The following KRABD4 variants were observed in gnomAD, a reference collection of about 807,000 sequenced individuals.
KRABD4 encodes KRAB domain-containing protein 4.
the KRABD4 span, chrX:46,472,683 A>C: frequency 8.8e-7 from 1 of 1,136,782 alleles, no homozygotes; most frequent in Non-Finnish European, 1.2e-6. Context: ...TTTAGGGATT[A>C]ATGTTATTCC....
chrX:46,452,937 T>C, the KRABD4 span, among the ~76,000 whole-genome samples: 24 of 112,160 alleles, frequency 2.1e-4, no homozygotes, highest in Non-Finnish European at 4.1e-4. Flanking sequence ...GATTTGAGTG[T>C]CTTTTTTCAT....
At chrX:46,474,005 A>T in the KRABD4 span, 3 of 112,336 alleles carry the variant, frequency 2.7e-5, no homozygotes, top group African/African-American at 9.8e-5. Flanking sequence ...CTACCCGCCC[A>T]CTAGTCCCTT....
the KRABD4 span, chrX:46,455,698 A>T: frequency 2.6e-6 from 1 of 384,107 alleles, no homozygotes; most frequent in Admixed American, 3.4e-5. Context: ...TGCAAGTTGT[A>T]CACTGCTGTG....
At chrX:46,462,489 G>A in the KRABD4 span, 40 of 359,760 alleles carry the variant, frequency 1.1e-4, no homozygotes, top group African/African-American at 4.4e-4. Context: ...CAGCCTGGGC[G>A]ACAGAGCAAG....
At chrX:46,452,856 A>G in the KRABD4 span, among the ~76,000 whole-genome samples, 1 of 112,440 alleles carries the variant, frequency 8.9e-6, no homozygotes, top group Non-Finnish European at 1.9e-5. Flanking sequence ...GGGAAATCAC[A>G]GTGTATTATC....
At chrX:46,472,528 CTTGGCTG>C in the KRABD4 span, 1 of 368,228 alleles carries the variant, frequency 2.7e-6, no homozygotes, top group Non-Finnish European at 4.6e-6. Context: ...CTGGTTTGAG[CTTGGCTG>C]CATATTAAAT....
the KRABD4 span, among the ~76,000 whole-genome samples, chrX:46,451,930 A>C: frequency 8.9e-6 from 1 of 112,613 alleles, no homozygotes; most frequent in Admixed American, 9.4e-5. Flanking sequence ...AGCTTTGTTC[A>C]GCAAAAAAAA....
At chrX:46,453,377 C>T in the KRABD4 span, among the ~76,000 whole-genome samples, 1 of 111,711 alleles carries the variant, frequency 9.0e-6, no homozygotes, top group Non-Finnish European at 1.9e-5. Flanking sequence ...TGATCAAATA[C>T]CTAAATATAT....
the KRABD4 span, chrX:46,474,543 AC>A: frequency 8.9e-6 from 1 of 112,150 alleles, no homozygotes; most frequent in Non-Finnish European, 1.9e-5. Context: ...TAAGTCTAAC[AC>A]ACATTTAAAA....
At chrX:46,458,606 G>C in the KRABD4 span, among the ~76,000 whole-genome samples, 2 of 112,354 alleles carry the variant, frequency 1.8e-5, no homozygotes, top group Admixed American at 1.9e-4. Flanking sequence ...CTGTGGATGA[G>C]AGTACTGGCT....
At chrX:46,461,036 G>C in the KRABD4 span, among the ~76,000 whole-genome samples, 25 of 101,809 alleles carry the variant, frequency 2.5e-4, no homozygotes, top group African/African-American at 9.1e-4. Context: ...TATTCCAAGG[G>C]TTGCAGGAGC....
the KRABD4 span, chrX:46,472,961 A>G: frequency 8.3e-7 from 1 of 1,211,877 alleles, no homozygotes; most frequent in Non-Finnish European, 1.1e-6. Flanking sequence ...CATTCAAAAC[A>G]TCATTTAAAC....
chrX:46,471,329 T>G, the KRABD4 span: 1 of 685,448 alleles, frequency 1.5e-6, no homozygotes, highest in Non-Finnish European at 2.1e-6. Flanking sequence ...TTTCTTTTGG[T>G]TAGGTTTTCA....
the KRABD4 span, among the ~76,000 whole-genome samples, chrX:46,465,982 T>G: frequency 8.9e-6 from 1 of 111,816 alleles, no homozygotes; most frequent in African/African-American, 3.3e-5. Flanking sequence ...TATTTAAATC[T>G]ATTTCAGGAA....
chrX:46,455,581 G>T, the KRABD4 span: 1 of 424,959 alleles, frequency 2.4e-6, no homozygotes, highest in Non-Finnish European at 4.4e-6. Context: ...TTCTGTTCTA[G>T]GATTTGATAA....
the KRABD4 span, chrX:46,456,776 GAT>G: frequency 9.0e-6 from 3 of 332,495 alleles, no homozygotes; most frequent in Non-Finnish European, 1.6e-5. Flanking sequence ...CTGCTTACAG[GAT>G]ACTGGAATCA....
the KRABD4 span, chrX:46,472,853 C>T: frequency 2.8e-5 from 34 of 1,209,938 alleles, no homozygotes; most frequent in East Asian, 2.4e-4. Context: ...AGGATGAAAG[C>T]GGTCAAGAAT....
chrX:46,461,763 T>G, the KRABD4 span, among the ~76,000 whole-genome samples: 7 of 111,952 alleles, frequency 6.3e-5, no homozygotes, highest in East Asian at 8.4e-4. Context: ...TGTTCTTTGT[T>G]TCATGATTGA....
the KRABD4 span, among the ~76,000 whole-genome samples, chrX:46,461,601 G>A: frequency 1.2e-3 from 133 of 111,548 alleles, 1 homozygote; most frequent in African/African-American, 3.1e-3. Flanking sequence ...GTGACAGGAT[G>A]GGATCTGGAG....
Sources: allele counts gnomAD v4.1 joint callset (sites outside exome capture counted in the v4.1 genomes callset), GRCh38; gene constraint gnomAD v4.1.1; transcripts MANE v1.5; gene names NCBI Gene and HGNC (gene_info 2026-07-23, HGNC 2026-07-21).